Variants in CSMD1 observed in about 807,000 individuals in gnomAD.
CSMD1 encodes CUB and sushi domain-containing protein 1.
A neutral mutation model predicts 417.5 loss-of-function variants in CSMD1; 213 were observed. The observed-to-expected ratio is 0.51, with a 90% CI of 0.46 to 0.57. The LOEUF (loss-of-function observed/expected upper bound fraction) is 0.57. Ranked by LOEUF, CSMD1 falls within the 20% of genes least tolerant of loss-of-function variation. CSMD1 has a pLI of 0.00. For synonymous variants in CSMD1, 2,862 were observed against 1,736.8 expected, an observed-to-expected ratio of 1.65 and a Z score of -16.11; for missense variants, 6,923 against 4,529.7, an observed-to-expected ratio of 1.53 and a Z score of -15.17.
At chr8:3,919,206 A>G (rs1251949965) in intron 5 of CSMD1, among the ~76,000 whole-genome samples, 2 of 148,658 alleles carry the variant, frequency 1.3e-5, no homozygotes, top group Non-Finnish European at 3.0e-5. Context: ...AAAAAAAAAA[A>G]AAAAGAAAGA....
chr8:4,060,373 C>T (rs77648534), intron 3 of CSMD1, among the ~76,000 whole-genome samples: 3 of 152,154 alleles, frequency 2.0e-5, no homozygotes, highest in African/African-American at 7.2e-5. Context: ...ATTCCCTTTG[C>T]AAACTGGCAC....
At chr8:4,328,055 T>C (rs1369154442) in intron 3 of CSMD1, among the ~76,000 whole-genome samples, 1 of 152,134 alleles carries the variant, frequency 6.6e-6, no homozygotes, top group African/African-American at 2.4e-5. Flanking sequence ...ATCCAAGTAC[T>C]AAGCTCTGCA....
intron 28 of CSMD1, among the ~76,000 whole-genome samples, chr8:3,220,551 A>T (rs1798146647): frequency 6.6e-6 from 1 of 152,198 alleles, no homozygotes; most frequent in Non-Finnish European, 1.5e-5. Flanking sequence ...CATCCATTGC[A>T]GCAGAGCACA....
At chr8:3,078,665 G>A (rs554067249) in intron 49 of CSMD1, among the ~76,000 whole-genome samples, 1 of 152,284 alleles carries the variant, frequency 6.6e-6, no homozygotes, top group African/African-American at 2.4e-5. Flanking sequence ...ATGCCACTGA[G>A]ACTGCATATG....
At position 4,469,396 on chromosome 8, in the gene CSMD1, C is replaced by T. The variant is rs564092586; in HGVS notation, c.303-49331G>A. Among the ~76,000 whole-genome samples, 9 of 152,276 alleles carry T rather than the reference C, an allele frequency of 5.9e-5. No individual in the cohort carries two copies. The South Asian group carries it at 1.9e-3, about 32-fold the overall frequency. The stretch of plus-strand genomic sequence containing the variant: ...CAAGGTGCAAAACGGCTGGTGTCAG[C>T]ATTCTGCCGTATTTTCAGATTACAA... On this transcript the variant is annotated intron_variant, in intron 2 of 69. Coordinates refer to ENST00000635120, the MANE Select transcript of CSMD1 (RefSeq NM_033225.6).
intron 8 of CSMD1, among the ~76,000 whole-genome samples, chr8:3,587,027 T>C (rs929431885): frequency 6.6e-6 from 1 of 152,170 alleles, no homozygotes; most frequent in African/African-American, 2.4e-5. Flanking sequence ...CTTCAACTCC[T>C]GACCTCAAGT....
At chr8:4,311,219 G>C (rs147330257) in intron 3 of CSMD1, among the ~76,000 whole-genome samples, 3 of 152,092 alleles carry the variant, frequency 2.0e-5, no homozygotes, top group East Asian at 1.9e-4. Flanking sequence ...TTATAGCACC[G>C]TTCACAACAG....
At chr8:4,215,782 G>A (rs976814705) in intron 3 of CSMD1, among the ~76,000 whole-genome samples, 1 of 151,920 alleles carries the variant, frequency 6.6e-6, no homozygotes, top group Non-Finnish European at 1.5e-5. Context: ...TTTCTTGGTG[G>A]AATATCTATT....
chr8:3,613,282 G>A (rs770108159), intron 8 of CSMD1: 5 of 420,964 alleles, frequency 1.2e-5, no homozygotes, highest in South Asian at 8.6e-5. Flanking sequence ...AAACCTACTT[G>A]TAAGAAAATT....
chr8:4,334,687 C>A (rs556696308), intron 3 of CSMD1, among the ~76,000 whole-genome samples: 2 of 152,274 alleles, frequency 1.3e-5, no homozygotes, highest in South Asian at 2.1e-4. Flanking sequence ...AAAGCCTATA[C>A]TGCCCAATTC....
chr8:4,440,813 T>A (rs769460368), intron 2 of CSMD1, among the ~76,000 whole-genome samples: 2 of 151,972 alleles, frequency 1.3e-5, no homozygotes, highest in Non-Finnish European at 2.9e-5. Context: ...CTGGCTAACA[T>A]GCTCAAACCT....
intron 3 of CSMD1, among the ~76,000 whole-genome samples, chr8:4,314,028 A>C (rs923413395): frequency 6.6e-6 from 1 of 150,728 alleles, no homozygotes; most frequent in African/African-American, 2.4e-5. Context: ...TAATAATAAT[A>C]ATAATAATGA....
intron 63 of CSMD1, 127 bp from the exon 64 acceptor site, chr8:2,955,895 T>C (rs1802970878): frequency 1.6e-6 from 1 of 612,560 alleles, no homozygotes; most frequent in South Asian, 2.8e-5. Flanking sequence ...TACATATATA[T>C]ACACATATAT....
intron 42 of CSMD1, among the ~76,000 whole-genome samples, chr8:3,112,721 A>T (rs1816594874): frequency 6.6e-6 from 1 of 152,204 alleles, no homozygotes; most frequent in Admixed American, 6.5e-5. Flanking sequence ...ATGAAGAGAG[A>T]TATTAAGCAA....
chr8:3,176,477 T>C (rs1404651727), intron 37 of CSMD1, among the ~76,000 whole-genome samples: 1 of 152,096 alleles, frequency 6.6e-6, no homozygotes, highest in Non-Finnish European at 1.5e-5. Context: ...TTAGTATTGG[T>C]ATAACTATCT....
chr8:3,903,873 T>A (rs1045705824), intron 5 of CSMD1, among the ~76,000 whole-genome samples: 3 of 150,972 alleles, frequency 2.0e-5, no homozygotes, highest in African/African-American at 2.5e-5. Context: ...CATTGCCATA[T>A]ATATATATTT....
At chr8:3,605,137 G>T (rs1010961946) in intron 8 of CSMD1, among the ~76,000 whole-genome samples, 2 of 152,166 alleles carry the variant, frequency 1.3e-5, no homozygotes, top group East Asian at 3.9e-4. Flanking sequence ...TGGGACTACA[G>T]GCGCATGCCA....
chr8:3,153,152 A>G (rs1006833471), intron 39 of CSMD1, among the ~76,000 whole-genome samples: 2 of 152,206 alleles, frequency 1.3e-5, no homozygotes, highest in African/African-American at 4.8e-5. Context: ...CACCAAAGCC[A>G]AGATGGCCAT....
intron 3 of CSMD1, among the ~76,000 whole-genome samples, chr8:4,035,458 G>C (rs1375080426): frequency 6.7e-6 from 1 of 149,570 alleles, no homozygotes; most frequent in Non-Finnish European, 1.5e-5. Context: ...ATTCCAAAAG[G>C]AGGCATTATT....
Sources: allele counts gnomAD v4.1 joint callset (sites outside exome capture counted in the v4.1 genomes callset), GRCh38; gene constraint gnomAD v4.1.1; transcripts MANE v1.5; gene names NCBI Gene and HGNC (gene_info 2026-07-23, HGNC 2026-07-21).